Variants in FILIP1 observed in about 807,000 individuals in gnomAD.
FILIP1 encodes filamin-A-interacting protein 1.
A neutral mutation model predicts 102.1 loss-of-function variants in FILIP1; 61 were observed. That is an observed-to-expected ratio of 0.60 (90% CI 0.49 to 0.74). The LOEUF is 0.74. Among genes scored for constraint, FILIP1 ranks in the 30% least tolerant of loss-of-function variants. FILIP1 has a pLI of 0.00. For missense variants in FILIP1, 1,314 were observed against 1,441.2 expected, an observed-to-expected ratio of 0.91 and a Z score of 1.43; for synonymous variants, 491 against 526.9, an observed-to-expected ratio of 0.93 and a Z score of 0.93.
chr6:75,358,870 G>A (rs1308768896), intron 3 of FILIP1, among the ~76,000 whole-genome samples: 3 of 148,238 alleles, frequency 2.0e-5, no homozygotes, highest in Non-Finnish European at 3.0e-5. Context: ...CCACAGGCGC[G>A]CACCACCACT....
At chr6:75,455,729 A>G (rs1421866989) in intron 1 of FILIP1, among the ~76,000 whole-genome samples, 1 of 152,138 alleles carries the variant, frequency 6.6e-6, no homozygotes, top group African/African-American at 2.4e-5. Context: ...AAAAACTTTT[A>G]CCTCTTAGAT....
chr6:75,298,898 A>G (rs1019271479), intron 6 of FILIP1, among the ~76,000 whole-genome samples: 1 of 152,164 alleles, frequency 6.6e-6, no homozygotes, highest in Non-Finnish European at 1.5e-5. Flanking sequence ...AGCCTAGGCA[A>G]CAGAGAGAGA....
At chr6:75,300,849 T>C (rs538099973) in intron 6 of FILIP1, among the ~76,000 whole-genome samples, 1 of 152,182 alleles carries the variant, frequency 6.6e-6, no homozygotes, top group South Asian at 2.1e-4. Flanking sequence ...TCAGCCCAAA[T>C]TATCTCCTTA....
chr6:75,306,531 A>G (rs1290866741), downstream of FILIP1, among the ~76,000 whole-genome samples: 1 of 152,250 alleles, frequency 6.6e-6, no homozygotes, highest in East Asian at 1.9e-4. Flanking sequence ...GGTACACATT[A>G]GTAAAAACAG....
intron 1 of FILIP1, among the ~76,000 whole-genome samples, chr6:75,441,699 G>C (rs577072042): frequency 1.4e-5 from 2 of 142,838 alleles, no homozygotes; most frequent in African/African-American, 5.3e-5. Flanking sequence ...GCGGCTGGCC[G>C]GGCGGGGGAC....
At chr6:75,442,323 A>G (rs1201812931) in intron 1 of FILIP1, among the ~76,000 whole-genome samples, 3 of 151,146 alleles carry the variant, frequency 2.0e-5, no homozygotes, top group South Asian at 2.1e-4. Flanking sequence ...ATGGCCAGGC[A>G]GAGACGCTCC....
chr6:75,319,134 CTT>C, intron 4 of FILIP1: 1 of 723,440 alleles, frequency 1.4e-6, no homozygotes, highest in Non-Finnish European at 2.5e-6. Flanking sequence ...TTTTTTCAGA[CTT>C]GACAATTCCC....
intron 2 of FILIP1, among the ~76,000 whole-genome samples, chr6:75,396,576 G>GA (rs1344512413): frequency 6.6e-6 from 1 of 152,066 alleles, no homozygotes; most frequent in African/African-American, 2.4e-5. Context: ...TAATAAATAA[G>GA]AATGGCGAGC....
intron 4 of FILIP1, among the ~76,000 whole-genome samples, chr6:75,339,768 C>A (rs916499688): frequency 6.6e-6 from 1 of 151,960 alleles, no homozygotes; most frequent in Non-Finnish European, 1.5e-5. Flanking sequence ...GCCAATAGGG[C>A]GAAACCCAGT....
chr6:75,428,587 A>G (rs1170087568), intron 1 of FILIP1: 1 of 154,228 alleles, frequency 6.5e-6, no homozygotes, highest in African/African-American at 2.4e-5. Context: ...AAGAAGCCCC[A>G]GCCCCAGTAT....
chr6:75,417,687 C>A (rs997225756), intron 1 of FILIP1, among the ~76,000 whole-genome samples: 1 of 152,172 alleles, frequency 6.6e-6, no homozygotes, highest in Admixed American at 6.5e-5. Context: ...GGTGCTATTT[C>A]TCTCAGGTTT....
In FILIP1 at chr6:75,353,686, G is replaced by A; in HGVS notation, c.482C>T (p.Thr161Ile). The A allele has an allele frequency of 3.1e-6, 5 of 1,613,858 alleles. No individual in the cohort carries two copies. The highest frequency in any genetic ancestry group is 4.2e-6 in the Non-Finnish European group (5 of 1,180,018). ...CAGCTGCTCTAGCATGCGCCGGTAG[G>A]TTTCTTTCTGTTTTTCCTCAAGTCT... ...LDRLEEKQKE[T>I]YRRMLEQLLL... Residue 161 changes from threonine (T) to isoleucine (I), a missense_variant, in exon 4 of 6, where the codon ACC becomes ATC. Transcript: ENST00000237172.
chr6:75,382,722 C>T (rs974775352), intron 2 of FILIP1, among the ~76,000 whole-genome samples: 2 of 152,160 alleles, frequency 1.3e-5, no homozygotes, highest in African/African-American at 4.8e-5. Flanking sequence ...CTAAAGGTCG[C>T]TACAGATCAA....
At chr6:75,428,259 G>C (rs1021245954) in intron 1 of FILIP1, 8 of 152,394 alleles carry the variant, frequency 5.2e-5, no homozygotes, top group African/African-American at 1.9e-4. Flanking sequence ...CTAAAACCTG[G>C]TGTTGAGGGT....
chr6:75,420,582 T>C (rs1484550843), intron 1 of FILIP1, among the ~76,000 whole-genome samples: 1 of 152,196 alleles, frequency 6.6e-6, no homozygotes, highest in Non-Finnish European at 1.5e-5. Flanking sequence ...TACCTTTCAA[T>C]GCCTCCCATA....
intron 6 of FILIP1, chr6:75,295,975 AT>A: frequency 7.1e-7 from 1 of 1,408,020 alleles, no homozygotes; most frequent in Admixed American, 3.3e-5. Context: ...AAGACATGGC[AT>A]TTTCAATTAA....
At chr6:75,360,650 G>T (rs1418431929) in intron 3 of FILIP1, 1 of 152,194 alleles carries the variant, frequency 6.6e-6, no homozygotes, top group Admixed American at 6.5e-5. Flanking sequence ...AATATTTGCT[G>T]TTTAATTCTT....
intron 1 of FILIP1, among the ~76,000 whole-genome samples, chr6:75,429,273 A>C (rs1444439165): frequency 6.6e-6 from 1 of 152,160 alleles, no homozygotes; most frequent in African/African-American, 2.4e-5. Flanking sequence ...AGTCCAGACA[A>C]GCCTGGATGG....
chr6:75,300,947 T>C (rs1345707220), intron 6 of FILIP1, among the ~76,000 whole-genome samples: 2 of 152,216 alleles, frequency 1.3e-5, no homozygotes, highest in African/African-American at 4.8e-5. Context: ...CCAGCATAGA[T>C]TGCTGTTTTA....
Sources: gnomAD v4.1 joint callset for allele counts (sites outside exome capture counted in the v4.1 genomes callset) on GRCh38, gnomAD v4.1.1 for gene constraint, MANE v1.5 for transcripts, NCBI Gene and HGNC (gene_info 2026-07-23, HGNC 2026-07-21) for gene names.